ENPP1: variants seen among roughly 807,000 people sequenced by gnomAD.
ENPP1 encodes ectonucleotide pyrophosphatase/phosphodiesterase family member 1.
In ENPP1, 73 loss-of-function variants were observed where a neutral mutation model predicts 122.8. That is an observed-to-expected ratio of 0.59 (90% CI 0.49 to 0.72). The LOEUF is 0.72. Among genes scored for constraint, ENPP1 ranks in the 30% least tolerant of loss-of-function variants. ENPP1 has a pLI of 0.00. For synonymous variants in ENPP1, 367 were observed against 391.6 expected (o/e 0.94, Z 0.74); for missense variants, 978 against 1,128.1 (o/e 0.87, Z 1.91).
chr6:131,850,529 A>G (rs561988107), intron 3 of ENPP1, among the ~76,000 whole-genome samples: 25 of 152,322 alleles, frequency 1.6e-4, no homozygotes, highest in Non-Finnish European at 3.4e-4. Flanking sequence ...TGCATATGAC[A>G]TGGAATAATT....
At chr6:131,887,265 C>A (rs1232260758) in intron 24 of ENPP1, among the ~76,000 whole-genome samples, 1 of 152,036 alleles carries the variant, frequency 6.6e-6, no homozygotes, top group Non-Finnish European at 1.5e-5. Flanking sequence ...TATAAAAAAT[C>A]TTTTCCTTTC....
chr6:131,821,110 A>G (rs1041415260), intron 1 of ENPP1, among the ~76,000 whole-genome samples: 5 of 152,214 alleles, frequency 3.3e-5, no homozygotes, highest in Admixed American at 6.5e-5. Flanking sequence ...AGACTGACAT[A>G]TCAGCATTAT....
In ENPP1 at chr6:131,893,308, A is replaced by C. The variant is rs1782495751; in HGVS notation, c.*2797A>C. 1 of 152,262 alleles carries C rather than the reference A, an allele frequency of 6.6e-6. No homozygotes were observed. Among genetic ancestry groups the C allele is most frequent in the Non-Finnish European group, 1.5e-5 (1 of 68,046 alleles). The allele number at this position is 152,262 out of a possible 1,614,324, so 9.4% of individuals were successfully genotyped here. Reference sequence around the variant, plus strand: ...CTCTGTCTTAGGGAGAAGAGACAGCAGAAGTGTAAATGATCCCTAAAGAGT... The same window carrying C: ...CTCTGTCTTAGGGAGAAGAGACAGCCGAAGTGTAAATGATCCCTAAAGAGT... On this transcript the variant is annotated 3_prime_UTR_variant, in exon 25 of 25. Transcript: ENST00000647893.
In ENPP1 at chr6:131,878,525, T is replaced by G; in HGVS notation, c.1894-17T>G. On this transcript the variant is annotated splice_polypyrimidine_tract_variant and intron_variant, in intron 18 of 24. Coordinates refer to ENST00000647893, the MANE Select transcript of ENPP1 (RefSeq NM_006208.3). ...ATGTCTCTCAGTCCTTAAAAATAGT[T>G]TTATAACCTTTTTTAGATTTTGCCG... is the stretch of plus-strand genomic sequence containing the variant. The G allele has an allele frequency of 6.3e-7, 1 of 1,583,214 alleles. No individual in the cohort carries two copies. The highest frequency in any genetic ancestry group is 1.3e-5 in the African/African-American group (1 of 74,420).
intron 15 of ENPP1, among the ~76,000 whole-genome samples, chr6:131,873,419 A>G (rs1344605439): frequency 6.6e-6 from 1 of 152,192 alleles, no homozygotes; most frequent in African/African-American, 2.4e-5. Flanking sequence ...TTTCATATAC[A>G]TATTGATTAC....
intron 1 of ENPP1, among the ~76,000 whole-genome samples, chr6:131,809,218 T>C (rs966870594): frequency 6.6e-6 from 1 of 152,254 alleles, no homozygotes; most frequent in Admixed American, 6.5e-5. Context: ...TTGTATTATA[T>C]GGAAATCACA....
intron 5 of ENPP1, among the ~76,000 whole-genome samples, chr6:131,853,644 C>T (rs556084198): frequency 6.6e-6 from 1 of 152,052 alleles, no homozygotes; most frequent in Non-Finnish European, 1.5e-5. Context: ...AAAATGTTCT[C>T]CTTGTGGGGT....
At chr6:131,842,776 T>C (rs1781758603) in intron 1 of ENPP1, among the ~76,000 whole-genome samples, 1 of 152,186 alleles carries the variant, frequency 6.6e-6, no homozygotes, top group Admixed American at 6.6e-5. Flanking sequence ...CTCTGGTCTT[T>C]AGTACAGGGA....
At chr6:131,865,799 G>C (rs1335451962) in intron 11 of ENPP1, among the ~76,000 whole-genome samples, 1 of 152,112 alleles carries the variant, frequency 6.6e-6, no homozygotes, top group Non-Finnish European at 1.5e-5. Flanking sequence ...TTTGAGGCCA[G>C]CCTGGCCAAC....
chr6:131,877,884 T>TATATATATAC (rs1782255767), intron 18 of ENPP1: 1 of 118,354 alleles, frequency 8.4e-6, no homozygotes, highest in Non-Finnish European at 1.7e-5. Flanking sequence ...TATATATATA[T>TATATATATAC]ATATATATAT....
At chr6:131,886,258 AATGAC>A (rs1256268118) in intron 23 of ENPP1, among the ~76,000 whole-genome samples, 4 of 152,190 alleles carry the variant, frequency 2.6e-5, no homozygotes, top group Non-Finnish European at 5.9e-5. Flanking sequence ...GGTGTTCAAA[AATGAC>A]ATTTTCTTTT....
chr6:131,884,322 G>A (rs1038224418), intron 22 of ENPP1, among the ~76,000 whole-genome samples: 1 of 152,160 alleles, frequency 6.6e-6, no homozygotes, highest in Non-Finnish European at 1.5e-5. Context: ...CCTTGTTTGT[G>A]TTTGCGATGT....
At chr6:131,858,887 C>T in intron 7 of ENPP1, 140 bp downstream of exon 7, 1 of 706,458 alleles carries the variant, frequency 1.4e-6, no homozygotes, top group South Asian at 1.6e-5. Context: ...AGGTTCTGAT[C>T]TTTGCTCTGC....
At chr6:131,885,231 GT>G (rs1277187150) in intron 23 of ENPP1, among the ~76,000 whole-genome samples, 168 bp downstream of exon 23, 5 of 152,180 alleles carry the variant, frequency 3.3e-5, no homozygotes, top group Non-Finnish European at 5.9e-5. Context: ...TAATTTTGAT[GT>G]TTTGCTCAAT....
At chr6:131,849,904 T>C in intron 2 of ENPP1, 86 bp from the exon 3 acceptor site, 1 of 985,224 alleles carries the variant, frequency 1.0e-6, no homozygotes, top group Non-Finnish European at 1.6e-6. Context: ...GAACCTAGTG[T>C]ACACCTAACT....
intron 1 of ENPP1, among the ~76,000 whole-genome samples, chr6:131,824,380 C>T (rs188550934): frequency 6.6e-6 from 1 of 152,126 alleles, no homozygotes; most frequent in East Asian, 1.9e-4. Context: ...TGGTGTGCAG[C>T]GCTGAGTGGA....
intron 6 of ENPP1, among the ~76,000 whole-genome samples, chr6:131,855,606 G>A (rs576969255): frequency 8.5e-5 from 13 of 152,130 alleles, no homozygotes; most frequent in South Asian, 8.3e-4. Context: ...GATTACAGGC[G>A]TGAGCCACCA....
At chr6:131,826,878 A>G in intron 1 of ENPP1, 2 of 375,504 alleles carry the variant, frequency 5.3e-6, no homozygotes, top group Non-Finnish European at 1.0e-5. Flanking sequence ...TAGGGGAAAG[A>G]TAAGGTTCCT....
chr6:131,850,169 G>T, intron 3 of ENPP1, 63 bp downstream of exon 3: 1 of 1,135,758 alleles, frequency 8.8e-7, no homozygotes, highest in Non-Finnish European at 1.3e-6. Flanking sequence ...GGAAAGTTCT[G>T]TGTCTTTCAG....
Sources: allele counts gnomAD v4.1 joint callset (sites outside exome capture counted in the v4.1 genomes callset), GRCh38; gene constraint gnomAD v4.1.1; transcripts MANE v1.5; gene names NCBI Gene and HGNC (gene_info 2026-07-23, HGNC 2026-07-21).